Variants in ARHGAP40 observed in about 807,000 individuals in gnomAD.
ARHGAP40 encodes Rho GTPase activating protein 40, also known as rho GTPase-activating protein 40.
In ARHGAP40, 43 loss-of-function variants were observed where a neutral mutation model predicts 73.5. That is an observed-to-expected ratio of 0.58 (90% confidence interval 0.46 to 0.75). ARHGAP40 has a LOEUF of 0.75. Among genes scored for constraint, ARHGAP40 ranks in the 30% least tolerant of loss-of-function variants. The pLI is 0.00. For missense variants in ARHGAP40, 734 were observed against 861.8 expected (o/e 0.85, Z 1.86); for synonymous variants, 300 against 352.8 (o/e 0.85, Z 1.68).
At chr20:38,637,442 C>A (rs1177961965) in intron 6 of ARHGAP40, among the ~76,000 whole-genome samples, 1 of 151,618 alleles carries the variant, frequency 6.6e-6, no homozygotes, top group Non-Finnish European at 1.5e-5. Flanking sequence ...AGCCACTGCA[C>A]CCGGCCCTTT....
At chr20:38,633,122 CAAAA>C (rs55980432) in intron 5 of ARHGAP40, among the ~76,000 whole-genome samples, 1 of 135,484 alleles carries the variant, frequency 7.4e-6, no homozygotes. Context: ...GACTCCGTCT[CAAAA>C]AAAAAAAAAA....
chr20:38,621,572 G>T (rs961323357), intron 1 of ARHGAP40, among the ~76,000 whole-genome samples: 1 of 152,162 alleles, frequency 6.6e-6, no homozygotes, highest in Non-Finnish European at 1.5e-5. Flanking sequence ...GTGAAGAAGA[G>T]AGTGCCTGCC....
At chr20:38,645,521 T>C (rs1277926264) in intron 11 of ARHGAP40, among the ~76,000 whole-genome samples, 1 of 152,154 alleles carries the variant, frequency 6.6e-6, no homozygotes, top group Non-Finnish European at 1.5e-5. Flanking sequence ...AAAGGGGAAT[T>C]CAGAATCGAC....
At chr20:38,650,162 C>T in exon 15 of ARHGAP40, 1 of 367,742 alleles carries the variant, frequency 2.7e-6, no homozygotes, top group South Asian at 2.1e-5. Flanking sequence ...CACACAATGC[C>T]CTCACTCCCC....
chr20:38,638,698 C>T (rs1568610662), intron 7 of ARHGAP40, 63 bp from the exon 8 acceptor site: 1 of 1,206,240 alleles, frequency 8.3e-7, no homozygotes, highest in Non-Finnish European at 1.1e-6. Flanking sequence ...GAGACAAACA[C>T]ACCATTTTGA....
chr20:38,627,583 G>GGTA (rs2088908937), intron 3 of ARHGAP40, among the ~76,000 whole-genome samples: 4 of 147,430 alleles, frequency 2.7e-5, no homozygotes, highest in Non-Finnish European at 4.5e-5. Flanking sequence ...TGTGTGTGTT[G>GGTA]TGTGTGTTGG....
chr20:38,606,386 A>G (rs2088770846), intron 1 of ARHGAP40, among the ~76,000 whole-genome samples: 1 of 152,188 alleles, frequency 6.6e-6, no homozygotes, highest in Non-Finnish European at 1.5e-5. Context: ...AAAATTCTGA[A>G]ACATATTCTG....
intron 2 of ARHGAP40, among the ~76,000 whole-genome samples, chr20:38,625,159 A>G (rs1393944013): frequency 1.3e-5 from 2 of 152,254 alleles, no homozygotes; most frequent in African/African-American, 2.4e-5. Flanking sequence ...GTGTAAATGT[A>G]AAAACATCCC....
At chr20:38,645,113 T>C (rs530997373) in intron 11 of ARHGAP40, among the ~76,000 whole-genome samples, 3 of 151,652 alleles carry the variant, frequency 2.0e-5, no homozygotes, top group East Asian at 3.9e-4. Flanking sequence ...TCTGAATTTT[T>C]GCTTATGCAG....
intron 10 of ARHGAP40, among the ~76,000 whole-genome samples, chr20:38,643,089 T>C (rs1440821789): frequency 6.6e-6 from 1 of 151,196 alleles, no homozygotes; most frequent in African/African-American, 2.4e-5. Flanking sequence ...TGCAGTGAGC[T>C]GAGCCAAGAT....
At chr20:38,629,130 C>A (rs1601142830) in intron 4 of ARHGAP40, 128 bp downstream of exon 4, 3 of 827,702 alleles carry the variant, frequency 3.6e-6, no homozygotes, top group African/African-American at 1.8e-5. Flanking sequence ...GCCTTCCCTG[C>A]TCAAGGGCAG....
At chr20:38,630,105 T>TTTCTTTTC (rs755791911) in intron 5 of ARHGAP40, among the ~76,000 whole-genome samples, 1,193 of 89,560 alleles carry the variant, frequency 0.013, 16 homozygotes, top group African/African-American at 0.036. Flanking sequence ...TTTCTTTGTT[T>TTTCTTTTC]TTCTTTTCTT....
At chr20:38,610,846 A>G (rs1206564568) in intron 1 of ARHGAP40, among the ~76,000 whole-genome samples, 2 of 150,024 alleles carry the variant, frequency 1.3e-5, no homozygotes, top group Non-Finnish European at 3.0e-5. Context: ...TCTTATTGTC[A>G]CAAAAAGTCT....
chr20:38,622,886 G>A lies in ARHGAP40; in HGVS notation c.138-473G>A, dbSNP rs909662092. Among the ~76,000 whole-genome samples, 25 of 152,286 alleles carry A rather than the reference G, an allele frequency of 1.6e-4. No homozygotes were observed. The East Asian group carries it at 4.6e-3, about 28-fold the overall frequency. On this transcript the variant is annotated intron_variant, in intron 1 of 14. Coordinates refer to ENST00000373345, the Ensembl canonical transcript of ARHGAP40. Reference sequence around the variant, plus strand: ...TCTGTTCAAAGCTGGCTGGGAGAGGGGAGGAGATGAGGTGCTCCTGTGATA... The same window carrying A: ...TCTGTTCAAAGCTGGCTGGGAGAGGAGAGGAGATGAGGTGCTCCTGTGATA...
chr20:38,638,246 C>T (rs1015329033), intron 7 of ARHGAP40, among the ~76,000 whole-genome samples: 4 of 151,794 alleles, frequency 2.6e-5, no homozygotes, highest in Admixed American at 6.6e-5. Context: ...ACCCAGGAGG[C>T]GGAGCTTGCA....
chr20:38,648,806 G>A lies in ARHGAP40; in HGVS notation c.1936+108G>A, dbSNP rs764137639. The A allele has an allele frequency of 1.4e-5, 12 of 835,282 alleles. No individual in the cohort carries two copies. The Admixed American group carries it at 1.7e-4, about 12-fold the overall frequency. 51.7% of individuals were successfully genotyped at this position (835,282 alleles called of 1,614,324 possible). A position where few individuals can be genotyped will look rare whatever the true frequency, so the allele number is the denominator to read the frequency against. ...GGGAGGCCAGAGTAGGCCTGCAGAT[G>A]AGCCCTCCCTTCAGGTCTCTGTCTT... On this transcript the variant is annotated intron_variant, in intron 14 of 14. Coordinates refer to ENST00000373345, the Ensembl canonical transcript of ARHGAP40.
exon 9 of ARHGAP40, chr20:38,639,294 A>G (rs2088998446): frequency 7.7e-7 from 1 of 1,305,492 alleles, no homozygotes; most frequent in Non-Finnish European, 1.0e-6. Flanking sequence ...GTTCATCACA[A>G]TGACGCCTCT....
intron 5 of ARHGAP40, among the ~76,000 whole-genome samples, chr20:38,630,082 T>TTTTCTTTCTTTCTTTC (rs1555792070): frequency 1.1e-5 from 1 of 90,756 alleles, no homozygotes; most frequent in African/African-American, 3.2e-5. Context: ...CTTTCTTTCT[T>TTTTCTTTCTTTCTTTC]TTTCTTTCTT....
At chr20:38,610,887 T>C (rs1270939521) in intron 1 of ARHGAP40, among the ~76,000 whole-genome samples, 1 of 150,216 alleles carries the variant, frequency 6.7e-6, no homozygotes, top group Non-Finnish European at 1.5e-5. Flanking sequence ...TCTTTTCTTT[T>C]TTTTTTTCTT....
Sources: allele counts gnomAD v4.1 joint callset (sites outside exome capture counted in the v4.1 genomes callset), GRCh38; gene constraint gnomAD v4.1.1; transcripts MANE v1.5; gene names NCBI Gene and HGNC (gene_info 2026-07-23, HGNC 2026-07-21).